NLRP11: variants seen among roughly 807,000 people sequenced by gnomAD.
NLRP11 encodes the protein NLR family pyrin domain containing 11.
NLRP11 carries 53 observed loss-of-function variants against 79.3 expected under a neutral mutation model. The observed-to-expected ratio is 0.67, with a 90% confidence interval of 0.54 to 0.84. The LOEUF (loss-of-function observed/expected upper bound fraction) is 0.84, where lower values mean the gene tolerates loss of function less well. NLRP11 is among the 40% of genes least tolerant of loss of function. NLRP11 has a pLI of 0.00. For missense variants in NLRP11, 1,264 were observed against 1,255.0 expected (o/e 1.01, Z -0.11); for synonymous variants, 518 against 462.6 (o/e 1.12, Z -1.54).
intron 5 of NLRP11, among the ~76,000 whole-genome samples, chr19:55,799,060 A>G (rs937609424): frequency 6.6e-6 from 1 of 152,190 alleles, no homozygotes; most frequent in Non-Finnish European, 1.5e-5. Flanking sequence ...TGAGGTCAGG[A>G]GTTTGAGACC....
At chr19:55,795,089 C>G (rs1174420591) in intron 6 of NLRP11, among the ~76,000 whole-genome samples, 2 of 152,144 alleles carry the variant, frequency 1.3e-5, no homozygotes, top group Non-Finnish European at 2.9e-5. Flanking sequence ...CCATGTTTTA[C>G]AGATCTCCGC....
intron 4 of NLRP11, among the ~76,000 whole-genome samples, chr19:55,804,343 GC>G (rs1305172771): frequency 6.6e-6 from 1 of 152,054 alleles, no homozygotes; most frequent in Non-Finnish European, 1.5e-5. Flanking sequence ...ATTCACAATA[GC>G]AAAGACATGC....
chr19:55,788,702 T>C (rs970086238), intron 9 of NLRP11, 105 bp downstream of exon 9: 1 of 760,036 alleles, frequency 1.3e-6, no homozygotes, highest in African/African-American at 2.2e-5. Context: ...ATCACGCCAC[T>C]GCACTCCAGC....
intron 4 of NLRP11, 86 bp from the exon 5 acceptor site, chr19:55,801,825 G>T: frequency 1.8e-6 from 2 of 1,109,622 alleles, no homozygotes; most frequent in Non-Finnish European, 2.7e-6. Flanking sequence ...ACTTCATCCT[G>T]TAACAAAGAT....
At chr19:55,794,206 G>C (rs1043941574) in intron 6 of NLRP11, among the ~76,000 whole-genome samples, 5 of 151,868 alleles carry the variant, frequency 3.3e-5, no homozygotes, top group Non-Finnish European at 7.4e-5. Flanking sequence ...AAAAAACATC[G>C]AATGTGTACC....
At chr19:55,816,322 A>G (rs1222132873) in intron 2 of NLRP11, among the ~76,000 whole-genome samples, 3 of 152,216 alleles carry the variant, frequency 2.0e-5, no homozygotes, top group Admixed American at 6.5e-5. Context: ...TGATCTAGCA[A>G]GAGGATGTGA....
intron 7 of NLRP11, 24 bp from the exon 8 acceptor site, chr19:55,789,423 G>T (rs199960046): frequency 2.5e-6 from 4 of 1,598,492 alleles, no homozygotes; most frequent in Non-Finnish European, 3.4e-6. Flanking sequence ...ACATGAGCTA[G>T]AGTCATGACC....
At chr19:55,833,156 A>C (rs148093507), upstream of NLRP11, among the ~76,000 whole-genome samples, 361 of 152,350 alleles carry the variant, frequency 2.4e-3, 3 homozygotes, top group African/African-American at 7.9e-3. Flanking sequence ...AGAGATTGTA[A>C]ATCTTATTGA....
chr19:55,802,242 T>C (rs1041453902), intron 4 of NLRP11, among the ~76,000 whole-genome samples: 2 of 152,188 alleles, frequency 1.3e-5, no homozygotes, highest in Non-Finnish European at 2.9e-5. Flanking sequence ...TGTTTGCAGA[T>C]GACATGATTC....
At chr19:55,816,163 A>G (rs1378491913) in intron 2 of NLRP11, among the ~76,000 whole-genome samples, 2 of 152,196 alleles carry the variant, frequency 1.3e-5, no homozygotes, top group Non-Finnish European at 2.9e-5. Flanking sequence ...CTGTTCACCT[A>G]TAAGACACAT....
intron 6 of NLRP11, among the ~76,000 whole-genome samples, chr19:55,793,201 C>T (rs952941357): frequency 5.3e-5 from 8 of 152,128 alleles, no homozygotes; most frequent in South Asian, 2.1e-4. Flanking sequence ...TTTTTTAACC[C>T]GTTTTCTGTT....
intron 9 of NLRP11, among the ~76,000 whole-genome samples, chr19:55,788,098 TAGGTA>T (rs1989994937): frequency 6.6e-6 from 1 of 152,114 alleles, no homozygotes; most frequent in Non-Finnish European, 1.5e-5. Context: ...TGGCAACAGT[TAGGTA>T]ACACAGAAAG....
At chr19:55,795,149 T>G (rs1978704974) in intron 6 of NLRP11, among the ~76,000 whole-genome samples, 1 of 152,156 alleles carries the variant, frequency 6.6e-6, no homozygotes, top group Non-Finnish European at 1.5e-5. Context: ...TTTTGCCATC[T>G]TTCATCGTGT....
chr19:55,803,658 T>C (rs1402124304), intron 4 of NLRP11, among the ~76,000 whole-genome samples: 5 of 152,168 alleles, frequency 3.3e-5, no homozygotes, highest in Non-Finnish European at 7.3e-5. Context: ...CAGACAGTTT[T>C]CAGAAGGTGA....
rs914489219 is a variant in NLRP11 at position 55,809,403 on chromosome 19, C to G, written c.1207G>C (p.Gly403Arg). The change falls in exon 3 of 10, where the codon GGA (glycine) becomes CGA (arginine). Residue 403 changes from glycine to arginine, a missense_variant. Physicochemically the swap from Gly to Arg is moderately radical, Grantham distance 125. Transcript: ENST00000589093. This position sits in a 1 kb window ranked among gnomAD's most constrained non-coding sequence, Gnocchi z 4.5. The stretch of plus-strand genomic sequence containing the variant: ...TTCAGGGTGCTCAGAAACAGTCCTC[C>G]TGCAGCCAGCAAACACAGACGTTTT... 1 of 1,614,070 alleles carries G rather than the reference C, an allele frequency of 6.2e-7. No individual in the cohort carries two copies. Among genetic ancestry groups the G allele is most frequent in the Non-Finnish European group, 8.5e-7 (1 of 1,180,050 alleles).
chr19:55,799,985 A>G (rs1979319636), intron 5 of NLRP11, among the ~76,000 whole-genome samples: 1 of 152,158 alleles, frequency 6.6e-6, no homozygotes, highest in Non-Finnish European at 1.5e-5. Flanking sequence ...AAATGAAAAC[A>G]AAAACAAAAA....
chr19:55,831,754 CA>C (rs11364661), intron 1 of NLRP11, among the ~76,000 whole-genome samples: 65,354 of 140,556 alleles, frequency 0.46, 16,308 homozygotes, highest in African/African-American at 0.7. Flanking sequence ...ATAAGTTTAT[CA>C]AAAAAAAAAA....
exon 7 of NLRP11, chr19:55,792,407 G>A: frequency 6.2e-7 from 1 of 1,613,956 alleles, no homozygotes; most frequent in Non-Finnish European, 8.5e-7. Context: ...CTTAGAGTTG[G>A]GCTGAACAGA....
At chr19:55,795,401 C>A (rs1978733441) in intron 6 of NLRP11, among the ~76,000 whole-genome samples, 1 of 152,180 alleles carries the variant, frequency 6.6e-6, no homozygotes, top group Admixed American at 6.5e-5. Context: ...TTCACGTGTT[C>A]ACTGTGAGAA....
Sources: allele counts gnomAD v4.1 joint callset (sites outside exome capture counted in the v4.1 genomes callset), GRCh38; gene constraint gnomAD v4.1.1; non-coding constraint Gnocchi (gnomAD v3.1); transcripts MANE v1.5; gene names NCBI Gene and HGNC (gene_info 2026-07-23, HGNC 2026-07-21).